Variants in VWA8 observed in about 807,000 individuals in gnomAD.
The protein encoded by VWA8 is von Willebrand factor A domain-containing protein 8.
In VWA8, 221 loss-of-function variants were observed where a neutral mutation model predicts 241.5. That is an observed-to-expected ratio of 0.91 (90% CI 0.82 to 1.02). The LOEUF is 1.02. VWA8 is among the 50% of genes least tolerant of loss of function. The pLI, the probability that VWA8 is intolerant of heterozygous loss-of-function variation, is 0.00. For missense variants in VWA8, 2,322 were observed against 2,328.7 expected (o/e 1.00, Z 0.06); for synonymous variants, 852 against 827.1 (o/e 1.03, Z -0.52).
intron 3 of VWA8, among the ~76,000 whole-genome samples, chr13:41,909,917 T>C (rs966432048): frequency 6.6e-6 from 1 of 152,250 alleles, no homozygotes; most frequent in Admixed American, 6.5e-5. Flanking sequence ...TGGTTTACCA[T>C]GCTTGCCCCA....
chr13:41,821,820 C>T (rs1015434986), intron 14 of VWA8, among the ~76,000 whole-genome samples: 7 of 152,044 alleles, frequency 4.6e-5, no homozygotes, highest in Non-Finnish European at 8.8e-5. Flanking sequence ...TGATGCTTCT[C>T]ACCAGTAAAA....
At chr13:41,885,848 T>G (rs947859981) in intron 8 of VWA8, 72 bp downstream of exon 8, 12 of 1,074,364 alleles carry the variant, frequency 1.1e-5, no homozygotes, top group Non-Finnish European at 1.6e-5. Flanking sequence ...CTGAAGTCAT[T>G]AATCCCTAAT....
chr13:41,662,013 G>A (rs751908847), intron 37 of VWA8, among the ~76,000 whole-genome samples: 11 of 152,014 alleles, frequency 7.2e-5, no homozygotes, highest in Non-Finnish European at 1.3e-4. Flanking sequence ...ATTTTTTTGC[G>A]AACATTGCAC....
chr13:41,938,934 A>G (rs567553224), intron 2 of VWA8, among the ~76,000 whole-genome samples: 169 of 152,326 alleles, frequency 1.1e-3, no homozygotes, highest in African/African-American at 3.8e-3. Flanking sequence ...CCATGCTATC[A>G]TTTATGACAC....
At chr13:41,743,493 C>G (rs1398438808) in intron 21 of VWA8, among the ~76,000 whole-genome samples, 2 of 152,282 alleles carry the variant, frequency 1.3e-5, no homozygotes, top group Admixed American at 1.3e-4. Context: ...TATTACTTCG[C>G]TTACAGATCA....
intron 37 of VWA8, among the ~76,000 whole-genome samples, chr13:41,618,248 A>G (rs1433194226): frequency 1.3e-5 from 2 of 152,086 alleles, no homozygotes; most frequent in African/African-American, 4.8e-5. Context: ...GCATTTTTTC[A>G]TGTGTCTTTT....
intron 13 of VWA8, among the ~76,000 whole-genome samples, chr13:41,831,610 T>G (rs965784694): frequency 8.0e-6 from 1 of 125,680 alleles, no homozygotes; most frequent in African/African-American, 2.7e-5. Context: ...AGCCCAGGCA[T>G]GAGTTTTTTT....
At chr13:41,793,814 CA>C (rs937827705) in intron 17 of VWA8, among the ~76,000 whole-genome samples, 4 of 151,648 alleles carry the variant, frequency 2.6e-5, no homozygotes, top group Non-Finnish European at 4.4e-5. Context: ...GACTCCATCT[CA>C]AAAAAAATAA....
At chr13:41,627,804 A>G (rs980778410) in intron 37 of VWA8, among the ~76,000 whole-genome samples, 6 of 152,158 alleles carry the variant, frequency 3.9e-5, no homozygotes, top group African/African-American at 7.2e-5. Flanking sequence ...GTGATCCCCA[A>G]TAGGTAAAGA....
intron 20 of VWA8, among the ~76,000 whole-genome samples, chr13:41,761,508 CA>C (rs1462356501): frequency 6.6e-6 from 1 of 152,010 alleles, no homozygotes; most frequent in Admixed American, 6.6e-5. Flanking sequence ...GGCATCACAG[CA>C]GATGCCTATA....
At chr13:41,862,384 G>T (rs1873045042) in intron 12 of VWA8, among the ~76,000 whole-genome samples, 1 of 152,166 alleles carries the variant, frequency 6.6e-6, no homozygotes, top group East Asian at 1.9e-4. Context: ...TATGGGCCTT[G>T]GCAAAGAATT....
chr13:41,901,694 G>C (rs756074534), intron 4 of VWA8, among the ~76,000 whole-genome samples: 1 of 151,244 alleles, frequency 6.6e-6, no homozygotes, highest in Non-Finnish European at 1.5e-5. Flanking sequence ...GCAAAACCAT[G>C]TCTCCATGAA....
chr13:41,902,387 G>A lies in VWA8; in HGVS notation c.483+5199C>T, dbSNP rs138282849. On this transcript the variant is annotated intron_variant, in intron 4 of 44. Coordinates refer to ENST00000379310, the MANE Select transcript of VWA8 (RefSeq NM_015058.2). ...AGAAAGAAATACAGAAAATATTCAT[G>A]CTGCTCGTCTTGAAGAAGAATACAG... 1.7e-3 allele frequency among the ~76,000 whole-genome samples: 259 copies of A among 152,226 alleles called. 2 individuals are homozygous for A. Among genetic ancestry groups the A allele is most frequent in the African/African-American group, 5.7e-3 (238 of 41,532 alleles).
chr13:41,696,417 C>A (rs1321339191), intron 29 of VWA8, among the ~76,000 whole-genome samples: 1 of 152,166 alleles, frequency 6.6e-6, no homozygotes, highest in Non-Finnish European at 1.5e-5. Flanking sequence ...TTTAAATATT[C>A]ATAAGTAACA....
chr13:41,788,622 C>T (rs1359133025), intron 17 of VWA8, among the ~76,000 whole-genome samples: 2 of 152,182 alleles, frequency 1.3e-5, no homozygotes, highest in Non-Finnish European at 1.5e-5. Context: ...TAGATCACTG[C>T]CTCGTTCAAA....
At chr13:41,666,065 A>G (rs1373503011) in intron 37 of VWA8, among the ~76,000 whole-genome samples, 1 of 152,120 alleles carries the variant, frequency 6.6e-6, no homozygotes, top group African/African-American at 2.4e-5. Context: ...CTGCTGATTT[A>G]ATTTTAATTG....
rs1336925853 is a variant in VWA8, at chr13:41,666,005, A to T, written c.4611+4941T>A. Among the ~76,000 whole-genome samples, 198 of 152,148 alleles carry T rather than the reference A, an allele frequency of 1.3e-3. 2 individuals carry two copies. The highest frequency in any genetic ancestry group is 1.6e-4 in the Non-Finnish European group (11 of 68,020). On this transcript the variant is annotated intron_variant, in intron 37 of 44. Coordinates refer to ENST00000379310, the MANE Select transcript of VWA8 (RefSeq NM_015058.2). ...GCATAAAAAGTTAATGAAACCTCAC[A>T]GCCTCCCTAAAATCATAAACTTGTT...
Position 41,590,712 on chromosome 13 carries a change from A to G in VWA8, c.5040T>C (p.Asp1680=), listed in dbSNP as rs1423914833. ...TCAGCCCATCAATGATCTTGGCATC[A>G]TCTAATTCTCCAGTAGCTTGATGTC... The part of the protein sequence containing the change: ...WLRHQATGEL[D]DAKIIDGLTG... Residue 1680 remains aspartate (D), a synonymous_variant, in exon 41 of 45, where the codon GAT becomes GAC. Transcript: ENST00000379310. 5 of 1,614,022 alleles carry G rather than the reference A, an allele frequency of 3.1e-6. No homozygotes were observed. The highest frequency in any genetic ancestry group is 4.2e-6 in the Non-Finnish European group (5 of 1,180,020).
At chr13:41,643,850 C>T (rs1272630887) in intron 37 of VWA8, among the ~76,000 whole-genome samples, 3 of 152,046 alleles carry the variant, frequency 2.0e-5, no homozygotes, top group Middle Eastern at 3.4e-3. Flanking sequence ...TCCATCCTCT[C>T]GGTGGGAGAG....
Sources: allele counts gnomAD v4.1 joint callset (sites outside exome capture counted in the v4.1 genomes callset), GRCh38; gene constraint gnomAD v4.1.1; transcripts MANE v1.5; gene names NCBI Gene and HGNC (gene_info 2026-07-23, HGNC 2026-07-21).